The following MGAT5 variants were observed in gnomAD, a reference collection of about 807,000 sequenced individuals.
MGAT5 encodes alpha-1,6-mannosylglycoprotein 6-beta-N-acetylglucosaminyltransferase, also known as alpha-1,6-mannosylglycoprotein 6-beta-N-acetylglucosaminyltransferase A.
MGAT5 carries 30 observed loss-of-function variants against 94.3 expected under a neutral mutation model. The observed-to-expected ratio is 0.32, with a 90% confidence interval of 0.24 to 0.43. The LOEUF is 0.43. Among genes scored for constraint, MGAT5 ranks in the 20% least tolerant of loss-of-function variants. MGAT5 has a pLI of 1.00. For missense variants in MGAT5, 691 were observed against 905.5 expected (o/e 0.76, Z 3.04); for synonymous variants, 310 against 322.9 (o/e 0.96, Z 0.43).
In MGAT5 at chr2:134,268,160, G is replaced by A. The variant is rs917603295; in HGVS notation, c.242-2226G>A. Among the ~76,000 whole-genome samples, 1 of 152,218 alleles carries A rather than the reference G, an allele frequency of 6.6e-6. No homozygotes were observed. Among genetic ancestry groups the A allele is most frequent in the South Asian group, 2.1e-4 (1 of 4,830 alleles). On this transcript the variant is annotated intron_variant, in intron 1 of 15. Transcript: ENST00000281923. This position sits in a 1 kb window ranked among gnomAD's most constrained non-coding sequence, Gnocchi z 4.1. Reference sequence around the variant, plus strand: ...AAGAATTACCCGGCCCAAAGTGTCAGTAGTGCCGAGGTTGAGAAATCCTGA... The same window carrying A: ...AAGAATTACCCGGCCCAAAGTGTCAATAGTGCCGAGGTTGAGAAATCCTGA...
In MGAT5 at chr2:134,449,089, C is replaced by G. The variant is rs1229420644; in HGVS notation, c.*242C>G. 1 of 549,482 alleles carries G rather than the reference C, an allele frequency of 1.8e-6. No individual in the cohort carries two copies. Among genetic ancestry groups the G allele is most frequent in the Non-Finnish European group, 3.3e-6 (1 of 306,066 alleles). 34.0% of individuals were successfully genotyped at this position (549,482 alleles called of 1,614,324 possible). On this transcript the variant is annotated 3_prime_UTR_variant, in exon 16 of 16. Transcript: ENST00000281923. ...GCTTGTCCCTGGCACAACATCATTT[C>G]TGTTTCTCAAGGAGCAACTGTGGGA...
intron 1 of MGAT5, among the ~76,000 whole-genome samples, chr2:134,160,176 T>C (rs1165965096): frequency 6.6e-6 from 1 of 151,988 alleles, no homozygotes; most frequent in Non-Finnish European, 1.5e-5. Flanking sequence ...ATTTTTTTAT[T>C]ATTATTATTG....
upstream of MGAT5, chr2:134,252,968 C>A (rs76840612): frequency 6.6e-6 from 1 of 152,144 alleles, no homozygotes; most frequent in African/African-American, 2.4e-5. Context: ...AAAACAGAGA[C>A]GATAATATTC....
At chr2:134,221,023 A>G (rs1680736619) in intron 1 of MGAT5, among the ~76,000 whole-genome samples, 1 of 152,072 alleles carries the variant, frequency 6.6e-6, no homozygotes, top group Non-Finnish European at 1.5e-5. Flanking sequence ...TTTTTTGTGG[A>G]TAACAGTTGA....
intron 2 of MGAT5, among the ~76,000 whole-genome samples, chr2:134,302,871 TTC>T (rs753880244): frequency 6.6e-6 from 1 of 152,036 alleles, no homozygotes; most frequent in Non-Finnish European, 1.5e-5. Context: ...TTTCAACATT[TTC>T]TCTTTCTCAT....
rs1558978046 is a variant in MGAT5 at position 134,189,602 on chromosome 2, G to GGTTTTTTTTTTTTTTTTT, written c.-142-64660_-142-64659insGTTTTTTTTTTTTTTTTT. On this transcript the variant is annotated intron_variant, in intron 1 of 16. Coordinates refer to the MGAT5 transcript ENST00000409645. ...AACCTCATGGCTCTAGTTTTTTTTTGTTTTTTTTTTTTTTTTTTAAGACAG... is the reference window on the plus strand; with the variant it reads ...AACCTCATGGCTCTAGTTTTTTTTTGGTTTTTTTTTTTTTTTTTTTTTTTTTTTTTTTTTTTAAGACAG... 7.1e-5 allele frequency among the ~76,000 whole-genome samples: 6 copies of GGTTTTTTTTTTTTTTTTT among 84,652 alleles called. No individual in the cohort carries two copies. In the South Asian group the frequency reaches 2.5e-3, roughly 36 times the overall value. 55.5% of individuals were successfully genotyped at this position (84,652 alleles called of 152,430 possible).
chr2:134,144,434 G>A (rs1279453406), intron 1 of MGAT5, among the ~76,000 whole-genome samples: 1 of 152,048 alleles, frequency 6.6e-6, no homozygotes, highest in South Asian at 2.1e-4. Flanking sequence ...AGCACCTAGG[G>A]GATGGTGCTA....
intron 1 of MGAT5, among the ~76,000 whole-genome samples, chr2:134,196,172 G>A (rs1413722637): frequency 6.6e-6 from 1 of 152,182 alleles, no homozygotes; most frequent in Admixed American, 6.5e-5. Flanking sequence ...TAGACATTTA[G>A]TCTCTATGCC....
At chr2:134,191,917 C>A (rs748788180) in intron 1 of MGAT5, among the ~76,000 whole-genome samples, 12 of 148,426 alleles carry the variant, frequency 8.1e-5, no homozygotes, top group Admixed American at 5.3e-4. Flanking sequence ...CTCACGCCAG[C>A]GGCTTCCTGA....
intron 1 of MGAT5, among the ~76,000 whole-genome samples, chr2:134,203,608 C>T (rs1023699542): frequency 6.6e-6 from 1 of 151,942 alleles, no homozygotes; most frequent in Non-Finnish European, 1.5e-5. Context: ...CGGGGCTGAT[C>T]GGGTCTCCAT....
At chr2:134,289,006 G>A (rs565517644) in intron 2 of MGAT5, among the ~76,000 whole-genome samples, 5 of 152,320 alleles carry the variant, frequency 3.3e-5, no homozygotes, top group African/African-American at 9.6e-5. Flanking sequence ...AAGACTTGGC[G>A]CATGTTTAAA....
chr2:134,379,105 TTTGTCTTCTC>T, intron 10 of MGAT5, among the ~76,000 whole-genome samples: 1 of 152,220 alleles, frequency 6.6e-6, no homozygotes, highest in Non-Finnish European at 1.5e-5. Flanking sequence ...TTTCTCCCAC[TTTGTCTTCTC>T]CCCTGTTCTT....
At chr2:134,413,090 T>C (rs1327904146) in intron 12 of MGAT5, 75 bp downstream of exon 12, 1 of 1,510,170 alleles carries the variant, frequency 6.6e-7, no homozygotes, top group East Asian at 2.4e-5. Context: ...ATGTAGGTAT[T>C]AACTTCATCT....
intron 8 of MGAT5, among the ~76,000 whole-genome samples, chr2:134,345,867 G>T (rs1688895436): frequency 6.6e-6 from 1 of 151,966 alleles, no homozygotes; most frequent in South Asian, 2.1e-4. Flanking sequence ...TTTCCTAAAG[G>T]TTATATGCTT....
At chr2:134,423,191 A>G (rs1286746411) in intron 13 of MGAT5, among the ~76,000 whole-genome samples, 3 of 152,232 alleles carry the variant, frequency 2.0e-5, no homozygotes, top group Admixed American at 6.5e-5. Flanking sequence ...AACTGGAGTC[A>G]TACTTGGTTC....
chr2:134,312,391 T>C (rs946110477), intron 2 of MGAT5, among the ~76,000 whole-genome samples: 7 of 152,214 alleles, frequency 4.6e-5, no homozygotes, highest in Admixed American at 1.3e-4. Flanking sequence ...CTACTGCAGC[T>C]TCCTGCTGTT....
At chr2:134,428,112 C>A (rs1405419504) in intron 13 of MGAT5, among the ~76,000 whole-genome samples, 1 of 152,248 alleles carries the variant, frequency 6.6e-6, no homozygotes, top group Non-Finnish European at 1.5e-5. Context: ...ATCTTTGCAG[C>A]TTAAAAGAGG....
intron 1 of MGAT5, among the ~76,000 whole-genome samples, chr2:134,124,446 A>G (rs1027894819): frequency 1.4e-4 from 22 of 152,198 alleles, no homozygotes; most frequent in African/African-American, 5.1e-4. Flanking sequence ...TAAACATACA[A>G]TCTTCTGGAA....
At chr2:134,213,645 C>T (rs1040143000) in intron 1 of MGAT5, among the ~76,000 whole-genome samples, 4 of 152,202 alleles carry the variant, frequency 2.6e-5, no homozygotes, top group Non-Finnish European at 5.9e-5. Context: ...CTACAACCCC[C>T]TCTTCAATTT....
Sources: gnomAD v4.1 joint callset for allele counts (sites outside exome capture counted in the v4.1 genomes callset) on GRCh38, gnomAD v4.1.1 for gene constraint, Gnocchi (gnomAD v3.1) non-coding constraint, MANE v1.5 for transcripts, NCBI Gene and HGNC (gene_info 2026-07-23, HGNC 2026-07-21) for gene names.